The following LMX1A variants were observed in gnomAD, a reference collection of about 807,000 sequenced individuals.
LMX1A encodes the protein LIM homeobox transcription factor 1 alpha.
Under a neutral mutation model 49.1 loss-of-function variants are expected in LMX1A, and 15 were observed. The ratio of observed to expected loss-of-function variants is 0.31; its 90% CI spans 0.20 to 0.47. LMX1A has a LOEUF of 0.47. Ranked by LOEUF, LMX1A falls within the 20% of genes least tolerant of loss-of-function variation. LMX1A has a pLI of 1.00. For missense variants in LMX1A, 372 were observed against 475.8 expected (o/e 0.78, Z 2.03); for synonymous variants, 167 against 185.7 (o/e 0.90, Z 0.82).
At chr1:165,227,981 T>G (rs1226687329) in intron 4 of LMX1A, among the ~76,000 whole-genome samples, 1 of 152,236 alleles carries the variant, frequency 6.6e-6, no homozygotes, top group Non-Finnish European at 1.5e-5. Flanking sequence ...CACATAATGT[T>G]GTAGCAACTG....
chr1:165,208,688 G>T lies in LMX1A; in HGVS notation c.748-556C>A, dbSNP rs558569203. On this transcript the variant is annotated intron_variant, in intron 6 of 8. Coordinates refer to ENST00000342310, the MANE Select transcript of LMX1A (RefSeq NM_177398.4). ...GAGTCTCGCTCTGTCACCCAGGCTG[G>T]AGTGCTGGAGTGCAGTGGCGCGATC... Among the ~76,000 whole-genome samples the T allele has an allele frequency of 7.0e-5, 8 of 114,106 alleles. 1 individual carries two copies. In the East Asian group the frequency reaches 1.9e-3, roughly 28 times the overall value. 74.9% of individuals were successfully genotyped at this position (114,106 alleles called of 152,430 possible). A position where few individuals can be genotyped will look rare whatever the true frequency, so the allele number is the denominator to read the frequency against.
intron 3 of LMX1A, among the ~76,000 whole-genome samples, chr1:165,300,419 T>C (rs1005637500): frequency 3.3e-5 from 5 of 152,180 alleles, no homozygotes; most frequent in Non-Finnish European, 7.3e-5. Context: ...CCATCCTTCT[T>C]CCCATTAAAA....
Position 165,235,144 on chromosome 1 carries a change from CAGTT to C in LMX1A, c.496+14260_496+14263del, listed in dbSNP as rs201993806. Among the ~76,000 whole-genome samples the C allele has an allele frequency of 8.0e-3, 1,141 of 142,116 alleles. 18 individuals are homozygous for C. The highest frequency in any genetic ancestry group is 0.03 in the African/African-American group (1,067 of 35,458). The allele number at this position is 142,116 out of a possible 152,430, so 93.2% of individuals were successfully genotyped here. On this transcript the variant is annotated intron_variant, in intron 4 of 8. Coordinates refer to ENST00000342310, the MANE Select transcript of LMX1A (RefSeq NM_177398.4). ...TCAAGGTTGGGGCATGAAGGAGAGA[CAGTT>C]AGAGCGTATAGGGGGCGATGCAGTC...
intron 3 of LMX1A, among the ~76,000 whole-genome samples, chr1:165,304,021 A>G (rs1348099459): frequency 1.3e-5 from 2 of 152,126 alleles, no homozygotes; most frequent in African/African-American, 4.8e-5. Flanking sequence ...GGAAAGGGTC[A>G]CGGTGGTCAC....
chr1:165,264,808 A>C (rs1653562868), intron 3 of LMX1A, among the ~76,000 whole-genome samples: 1 of 151,972 alleles, frequency 6.6e-6, no homozygotes. Flanking sequence ...AAATTTAAAA[A>C]TTAGGGGAGG....
Position 165,216,951 on chromosome 1 carries a change from T to A in LMX1A, c.497-3138A>T, listed in dbSNP as rs376445627. 2.0e-5 allele frequency among the ~76,000 whole-genome samples: 3 copies of A among 152,292 alleles called. No individual in the cohort carries two copies. In the East Asian group the frequency reaches 5.8e-4, roughly 29 times the overall value. On this transcript the variant is annotated intron_variant, in intron 4 of 8. Transcript: ENST00000342310. ...TTGGAATTAAATGGGATGATATATG[T>A]AAAGGGTTTAGCACCACCCAGAAAT...
intron 4 of LMX1A, among the ~76,000 whole-genome samples, chr1:165,229,689 T>C (rs1652170793): frequency 6.6e-6 from 1 of 152,040 alleles, no homozygotes. Context: ...GATCACTGAA[T>C]TGAACACTGG....
chr1:165,255,005 A>T (rs1653187809), intron 3 of LMX1A, among the ~76,000 whole-genome samples: 1 of 152,208 alleles, frequency 6.6e-6, no homozygotes, highest in Non-Finnish European at 1.5e-5. Context: ...TGGCAGTACT[A>T]GTTGCAGAGA....
intron 3 of LMX1A, among the ~76,000 whole-genome samples, chr1:165,309,868 G>A (rs950374217): frequency 4.6e-5 from 7 of 151,964 alleles, no homozygotes; most frequent in Non-Finnish European, 7.4e-5. Flanking sequence ...CTGCCTTCAC[G>A]AGAAAAAAAA....
In LMX1A at chr1:165,314,842, G is replaced by A. The variant is rs561270080; in HGVS notation, c.263+38234C>T. Among the ~76,000 whole-genome samples, 43 of 152,252 alleles carry A rather than the reference G, an allele frequency of 2.8e-4. 1 individual carries two copies. The highest frequency in any genetic ancestry group is 6.8e-3 in the Middle Eastern group (2 of 294). On this transcript the variant is annotated intron_variant, in intron 3 of 8. Coordinates refer to ENST00000342310, the MANE Select transcript of LMX1A (RefSeq NM_177398.4). ...TAATTATTAGAATTATCTGAGTAAT[G>A]AGGGCATAACTAGCAGATAGTGGCG...
intron 3 of LMX1A, among the ~76,000 whole-genome samples, chr1:165,321,284 G>A (rs1029225479): frequency 1.3e-5 from 2 of 152,130 alleles, no homozygotes; most frequent in Admixed American, 1.3e-4. Flanking sequence ...AGTTTCTTTG[G>A]AGGGTGATGA....
At chr1:165,226,311 C>G (rs1171420590) in intron 4 of LMX1A, among the ~76,000 whole-genome samples, 1 of 152,222 alleles carries the variant, frequency 6.6e-6, no homozygotes, top group Non-Finnish European at 1.5e-5. Flanking sequence ...TTAAGGTGCT[C>G]TCTTCCACCT....
In LMX1A at chr1:165,346,250, G is replaced by C. The variant is rs191746729; in HGVS notation, c.263+6826C>G. Among the ~76,000 whole-genome samples the C allele has an allele frequency of 3.9e-5, 6 of 152,320 alleles. No individual in the cohort carries two copies. The East Asian group carries it at 1.2e-3, about 29-fold the overall frequency. On this transcript the variant is annotated intron_variant, in intron 3 of 8. Transcript: ENST00000342310. The stretch of plus-strand genomic sequence containing the variant: ...AACACAGATCGATCTATTGGTGCAA[G>C]GAGACGTTGGAGGCCCAGAGAGTCA...
intron 3 of LMX1A, among the ~76,000 whole-genome samples, chr1:165,297,531 C>T (rs1301612125): frequency 6.6e-6 from 1 of 152,224 alleles, no homozygotes; most frequent in African/African-American, 2.4e-5. Flanking sequence ...ACACTCAACA[C>T]TGAAAAGCAG....
At position 165,355,517 on chromosome 1, in the gene LMX1A, TC is replaced by T. The variant is rs1656578058; in HGVS notation, c.42del (p.Ile15SerfsTer15). 1 of 1,613,902 alleles carries T rather than the reference TC, an allele frequency of 6.2e-7. No homozygotes were observed. The highest frequency in any genetic ancestry group is 8.5e-7 in the Non-Finnish European group (1 of 1,180,010). ...GLKMEENFQSAIDTSASFSSL... is the reference protein window; with the variant it reads ...GLKMEENFQSXIDTSASFSSL... ...GAGGAGAAGGAGGCCGAGGTGTCGA[TC>T]GCGCTTTGGAAGTTCTCCTCCATCT... On this transcript the variant is annotated frameshift_variant, in exon 2 of 9. Coordinates refer to ENST00000342310, the MANE Select transcript of LMX1A (RefSeq NM_177398.4). LOFTEE classifies it high-confidence loss of function. This position sits in a 1 kb window ranked among gnomAD's most constrained non-coding sequence, Gnocchi z 4.7.
At chr1:165,310,228 G>A (rs1655036743) in intron 3 of LMX1A, among the ~76,000 whole-genome samples, 1 of 152,152 alleles carries the variant, frequency 6.6e-6, no homozygotes. Context: ...TTAGTGATGG[G>A]TGACAAAATG....
intron 4 of LMX1A, among the ~76,000 whole-genome samples, chr1:165,224,845 G>T (rs1355322048): frequency 2.0e-5 from 3 of 152,170 alleles, no homozygotes; most frequent in Non-Finnish European, 4.4e-5. Context: ...CACAGTTAGG[G>T]TTCACCTGGG....
intron 3 of LMX1A, among the ~76,000 whole-genome samples, chr1:165,282,067 ACT>A (rs1345483618): frequency 3.3e-5 from 5 of 151,942 alleles, no homozygotes; most frequent in Non-Finnish European, 2.9e-5. Flanking sequence ...CAGCCTTGCC[ACT>A]CTGCTTCCTG....
chr1:165,263,722 C>A (rs1653521164), intron 3 of LMX1A, among the ~76,000 whole-genome samples: 1 of 152,200 alleles, frequency 6.6e-6, no homozygotes, highest in African/African-American at 2.4e-5. Context: ...CTATTTCATT[C>A]CCATTTTCCA....
Sources: gnomAD v4.1 joint callset for allele counts (sites outside exome capture counted in the v4.1 genomes callset) on GRCh38, gnomAD v4.1.1 for gene constraint, Gnocchi (gnomAD v3.1) non-coding constraint, MANE v1.5 for transcripts, NCBI Gene and HGNC (gene_info 2026-07-23, HGNC 2026-07-21) for gene names.